Variants in TLE3 observed in about 807,000 individuals in gnomAD.
The protein encoded by TLE3 is transducin-like enhancer protein 3.
A neutral mutation model predicts 93.0 loss-of-function variants in TLE3; 14 were observed. That is an observed-to-expected ratio of 0.15 (90% CI 0.10 to 0.24). The LOEUF (loss-of-function observed/expected upper bound fraction) is 0.24. Ranked by LOEUF, TLE3 falls within the 10% of genes least tolerant of loss-of-function variation. TLE3 has a pLI of 1.00. For synonymous variants in TLE3, 451 were observed against 425.0 expected (o/e 1.06, Z -0.75); for missense variants, 693 against 1,046.6 (o/e 0.66, Z 4.66).
Position 70,060,587 on chromosome 15 carries a change from G to C in TLE3, c.657C>G (p.Asp219Glu), listed in dbSNP as rs1168837395. 3.1e-6 allele frequency: 5 copies of C among 1,613,926 alleles called. No individual in the cohort carries two copies. In the South Asian group the frequency reaches 5.5e-5, roughly 18 times the overall value. Residue 219 changes from aspartate to glutamate, a missense_variant, in exon 9 of 20, where the codon GAC becomes GAG. Around this residue, in one of 4 missense-constraint regions of TLE3, gnomAD observed 405 missense variants for 468.9 expected, o/e 0.86. Coordinates refer to ENST00000451782, the MANE Select transcript of TLE3 (RefSeq NM_001105192.3). ...RASEKHRGSA[D>E]YSMEAKKRKA... ...TCCGCTTCTTGGCTTCCATGCTGTAGTCCGCAGAGCCCCGGTGCTTCTCAC... is the reference window on the plus strand; with the variant it reads ...TCCGCTTCTTGGCTTCCATGCTGTACTCCGCAGAGCCCCGGTGCTTCTCAC...
rs376341165 is a variant in TLE3 at position 70,095,046 on chromosome 15, C to A, written c.190-470G>T. Among the ~76,000 whole-genome samples, 67 of 152,294 alleles carry A rather than the reference C, an allele frequency of 4.4e-4. No individual in the cohort carries two copies. The East Asian group carries it at 0.011, about 26-fold the overall frequency. On this transcript the variant is annotated intron_variant, in intron 3 of 19. Transcript: ENST00000451782. ...TACTGCCCCAGCGTGGAGAAGATAC[C>A]CAGCTGGGGGATCCCTGAGGAGGGG...
chr15:70,079,678 A>AT (rs1357137231), intron 4 of TLE3, among the ~76,000 whole-genome samples: 1 of 151,874 alleles, frequency 6.6e-6, no homozygotes, highest in Non-Finnish European at 1.5e-5. Context: ...AGAAATGTTT[A>AT]TTTTTTGGAG....
Position 70,058,126 on chromosome 15 carries a change from A to T in TLE3, c.1051+33T>A. On this transcript the variant is annotated intron_variant, in intron 12 of 19. Transcript: ENST00000451782. This position sits in a 1 kb window ranked among gnomAD's most constrained non-coding sequence, Gnocchi z 4.1. ...GAGCAGACCCCCTCCCCCCAATCAG[A>T]TTAACCCAGCCCATGGTGCCTACCC... 3 of 1,613,532 alleles carry T rather than the reference A, an allele frequency of 1.9e-6. No homozygotes were observed. Among genetic ancestry groups the T allele is most frequent in the Non-Finnish European group, 1.7e-6 (2 of 1,179,696 alleles).
intron 17 of TLE3, chr15:70,052,752 G>GA: frequency 2.7e-6 from 1 of 369,616 alleles, no homozygotes; most frequent in Non-Finnish European, 4.7e-6. Flanking sequence ...CTTTCCTTAA[G>GA]AAAAAAGTGA....
chr15:70,096,695 C>A, intron 1 of TLE3, 80 bp downstream of exon 1: 1 of 1,581,314 alleles, frequency 6.3e-7, no homozygotes, highest in Admixed American at 1.8e-5. Context: ...TAGCAACAAG[C>A]AAAATGGAGG....
chr15:70,051,323 T>C (rs1404048519), intron 19 of TLE3, 68 bp downstream of exon 19: 2 of 1,464,016 alleles, frequency 1.4e-6, no homozygotes, highest in Non-Finnish European at 1.9e-6. Flanking sequence ...CTATCCTCAC[T>C]CCCATCACCA....
chr15:70,057,255 G>A (rs1262345051), intron 13 of TLE3, among the ~76,000 whole-genome samples: 1 of 152,206 alleles, frequency 6.6e-6, no homozygotes, highest in Non-Finnish European at 1.5e-5. Context: ...CAGGCCAGTG[G>A]GGGATGGAAC....
At chr15:70,060,371 T>C (rs75442358) in intron 9 of TLE3, among the ~76,000 whole-genome samples, 159 bp downstream of exon 9, 6,477 of 152,212 alleles carry the variant, frequency 0.043, 285 homozygotes, top group East Asian at 0.21. Context: ...CTAGCCCTGT[T>C]CCCACCCTGC....
At chr15:70,065,867 T>A in intron 7 of TLE3, 147 bp downstream of exon 7, 1 of 855,996 alleles carries the variant, frequency 1.2e-6, no homozygotes, top group Non-Finnish European at 1.8e-6. Context: ...TTGGCTTCCC[T>A]GCACCAGGTA....
chr15:70,094,505 A>T (rs1461423232), intron 4 of TLE3, 27 bp downstream of exon 4: 10 of 1,508,576 alleles, frequency 6.6e-6, no homozygotes, highest in Non-Finnish European at 8.9e-6. Flanking sequence ...AAAATGAAAT[A>T]TATTTTTAAA....
intron 6 of TLE3, chr15:70,066,999 C>T (rs1182798042): frequency 4.2e-6 from 1 of 235,768 alleles, no homozygotes; most frequent in Admixed American, 4.8e-5. Context: ...TTTGCAGCAG[C>T]TCATGGCGCA....
At chr15:70,079,786 C>G (rs1416452496) in intron 4 of TLE3, among the ~76,000 whole-genome samples, 4 of 152,092 alleles carry the variant, frequency 2.6e-5, no homozygotes, top group African/African-American at 9.7e-5. Flanking sequence ...ACCCACCCAA[C>G]TCGCCATGTG....
In TLE3 at chr15:70,049,499, G is replaced by C. The variant is rs1343431704; in HGVS notation, c.*598C>G. ...CTCCCTGTCTCCTCTTCCCAGGTGA[G>C]AGCATCTGTTTATTTAAAAAAAAAA... On this transcript the variant is annotated 3_prime_UTR_variant, in exon 20 of 20. Transcript: ENST00000451782. 7.5e-6 allele frequency: 1 copy of C among 133,550 alleles called. No individual in the cohort carries two copies. Among genetic ancestry groups the C allele is most frequent in the Non-Finnish European group, 1.5e-5 (1 of 64,574 alleles). 8.3% of individuals were successfully genotyped at this position (133,550 alleles called of 1,614,324 possible).
intron 8 of TLE3, among the ~76,000 whole-genome samples, chr15:70,062,104 T>A (rs1392335006): frequency 1.3e-5 from 2 of 152,216 alleles, no homozygotes; most frequent in Non-Finnish European, 2.9e-5. Context: ...TGGGCAGCCC[T>A]ACCCGGCCAA....
rs2056246880 is a variant in TLE3, at chr15:70,058,589, C to A, written c.918+74G>T. On this transcript the variant is annotated intron_variant, in intron 11 of 19. Coordinates refer to ENST00000451782, the MANE Select transcript of TLE3 (RefSeq NM_001105192.3). The surrounding 1 kb of genome is among the most constrained non-coding windows in gnomAD (Gnocchi z 4.1). Reference sequence around the variant, plus strand: ...AGCTTCTCCCACTCCACCCCTCTGCCTGCCAATCGGCACCACCCCAGCTCC... The same window carrying A: ...AGCTTCTCCCACTCCACCCCTCTGCATGCCAATCGGCACCACCCCAGCTCC... 46 of 1,496,106 alleles carry A rather than the reference C, an allele frequency of 3.1e-5. No individual in the cohort carries two copies. Among genetic ancestry groups the A allele is most frequent in the Non-Finnish European group, 3.7e-5 (41 of 1,122,814 alleles). The allele number at this position is 1,496,106 out of a possible 1,614,324, so 92.7% of individuals were successfully genotyped here. A position where few individuals can be genotyped will look rare whatever the true frequency, so the allele number is the denominator to read the frequency against.
At position 70,066,208 on chromosome 15, in the gene TLE3, A is replaced by AGAT. The variant is rs1555418841; in HGVS notation, c.382_383insATC (p.Gln127_Leu128insHis). On this transcript the variant is annotated inframe_insertion, in exon 7 of 20. Transcript: ENST00000451782. ...GGCATGGGAGAGGTGCTGCGCCTGG[A>AGAT]GCTGCTGCTGCTGCAATGAAGTCGG... 6.5e-7 allele frequency: 1 copy of AGAT among 1,530,860 alleles called. No homozygotes were observed. Among genetic ancestry groups the AGAT allele is most frequent in the East Asian group, 2.3e-5 (1 of 43,138 alleles). The allele number at this position is 1,530,860 out of a possible 1,614,324, so 94.8% of individuals were successfully genotyped here.
intron 6 of TLE3, among the ~76,000 whole-genome samples, chr15:70,072,207 T>C (rs2057220610): frequency 6.6e-6 from 1 of 152,200 alleles, no homozygotes. Context: ...ACCTAACTTG[T>C]AGCTTCCTGA....
At chr15:70,094,250 AGATC>A (rs1355392073) in intron 4 of TLE3, among the ~76,000 whole-genome samples, 2 of 152,186 alleles carry the variant, frequency 1.3e-5, no homozygotes, top group African/African-American at 4.8e-5. Context: ...TTTGTAAAGC[AGATC>A]CTGGAGGTAC....
At chr15:70,071,066 A>C (rs1392044301) in intron 6 of TLE3, among the ~76,000 whole-genome samples, 1 of 152,138 alleles carries the variant, frequency 6.6e-6, no homozygotes, top group African/African-American at 2.4e-5. Context: ...TTGGGCCATG[A>C]TATAGCAATG....
Sources: gnomAD v4.1 joint callset for allele counts (sites outside exome capture counted in the v4.1 genomes callset) on GRCh38, gnomAD v4.1.1 for gene constraint, gnomAD v4.1.1 regional missense constraint, Gnocchi (gnomAD v3.1) non-coding constraint, MANE v1.5 for transcripts, NCBI Gene and HGNC (gene_info 2026-07-23, HGNC 2026-07-21) for gene names.